TXNRD3: variants seen among roughly 807,000 people sequenced by gnomAD.
TXNRD3 encodes the protein TXNRD3 neighbor gene protein.
TXNRD3 carries 68 observed loss-of-function variants against 78.2 expected under a neutral mutation model. That is an observed-to-expected ratio of 0.87 (90% CI 0.72 to 1.06). The LOEUF is 1.06. Among genes scored for constraint, TXNRD3 ranks in the 50% least tolerant of loss-of-function variants. The probability of loss-of-function intolerance (pLI) is 0.00; values close to 1 mark genes in which losing one functional copy is unlikely to be tolerated. For synonymous variants in TXNRD3, 296 were observed against 300.1 expected (o/e 0.99, Z 0.14); for missense variants, 751 against 809.5 (o/e 0.93, Z 0.88).
chr3:126,621,647 T>C, intron 12 of TXNRD3, 95 bp downstream of exon 12: 1 of 1,214,968 alleles, frequency 8.2e-7, no homozygotes, highest in Non-Finnish European at 1.1e-6. Flanking sequence ...GAGGAACCCT[T>C]TACTTGGAAA....
At chr3:126,622,389 G>T in intron 11 of TXNRD3, 75 bp downstream of exon 11, 1 of 997,620 alleles carries the variant, frequency 1.0e-6, no homozygotes, top group South Asian at 1.7e-5. Context: ...GTAATTAAAT[G>T]AGAATTTCTT....
At chr3:126,617,157 C>A (rs1484139180) in intron 12 of TXNRD3, among the ~76,000 whole-genome samples, 1 of 152,166 alleles carries the variant, frequency 6.6e-6, no homozygotes, top group Non-Finnish European at 1.5e-5. Context: ...ACTTTCTCCA[C>A]ATCTTACATC....
chr3:126,616,080 G>C (rs1287354057), intron 12 of TXNRD3, among the ~76,000 whole-genome samples: 1 of 152,196 alleles, frequency 6.6e-6, no homozygotes, highest in Non-Finnish European at 1.5e-5. Flanking sequence ...ACCATCTCCA[G>C]AGCCTTTATC....
intron 1 of TXNRD3, among the ~76,000 whole-genome samples, chr3:126,653,641 T>C (rs926793803): frequency 3.9e-5 from 6 of 152,272 alleles, no homozygotes; most frequent in Admixed American, 3.3e-4. Context: ...CAGTTGGGCA[T>C]TACCTTGCTA....
chr3:126,631,014 G>T, intron 8 of TXNRD3, 77 bp from the exon 9 acceptor site: 2 of 1,333,244 alleles, frequency 1.5e-6, no homozygotes, highest in Non-Finnish European at 2.0e-6. Context: ...GTGTATAATG[G>T]TCTTGTGATG....
chr3:126,653,816 G>A (rs1040945817), intron 1 of TXNRD3, among the ~76,000 whole-genome samples: 1 of 152,064 alleles, frequency 6.6e-6, no homozygotes, highest in Admixed American at 6.5e-5. Flanking sequence ...GATAAACTCC[G>A]GTACGATTCA....
At chr3:126,647,383 TA>T (rs1266457009) in intron 1 of TXNRD3, 87 bp from the exon 2 acceptor site, 1 of 988,982 alleles carries the variant, frequency 1.0e-6, no homozygotes, top group East Asian at 2.7e-5. Flanking sequence ...ATGTCAACAA[TA>T]AATGTTCTGG....
intron 2 of TXNRD3, among the ~76,000 whole-genome samples, chr3:126,646,764 G>A (rs781230203): frequency 1.1e-4 from 16 of 152,174 alleles, no homozygotes; most frequent in Non-Finnish European, 1.9e-4. Flanking sequence ...AACTTGTTCT[G>A]TTCATCACCA....
intron 9 of TXNRD3, among the ~76,000 whole-genome samples, chr3:126,630,432 A>G (rs1033030455): frequency 3.9e-5 from 6 of 152,212 alleles, no homozygotes; most frequent in Non-Finnish European, 7.3e-5. Context: ...AGACAGTGAT[A>G]AGAATAAGGA....
chr3:126,629,843 G>C (rs1938668712), intron 9 of TXNRD3, among the ~76,000 whole-genome samples: 2 of 152,230 alleles, frequency 1.3e-5, no homozygotes, highest in Admixed American at 6.5e-5. Context: ...GTCTTGTTAA[G>C]TTTGAAATGC....
intron 9 of TXNRD3, among the ~76,000 whole-genome samples, chr3:126,630,195 A>G (rs1227618410): frequency 6.6e-6 from 1 of 152,264 alleles, no homozygotes; most frequent in African/African-American, 2.4e-5. Context: ...GGACAGAGAC[A>G]TGACCACTGG....
chr3:126,645,812 T>C (rs1933215643), intron 3 of TXNRD3, among the ~76,000 whole-genome samples: 1 of 152,170 alleles, frequency 6.6e-6, no homozygotes, highest in Non-Finnish European at 1.5e-5. Context: ...GACCTCTTTC[T>C]ACTGGGCAAA....
intron 10 of TXNRD3, among the ~76,000 whole-genome samples, chr3:126,623,803 C>T (rs749394375): frequency 3.0e-5 from 4 of 132,616 alleles, no homozygotes; most frequent in Non-Finnish European, 6.2e-5. Context: ...CCCATTCTCA[C>T]CATTTCTAAT....
At chr3:126,609,273 A>G (rs536325708) in intron 14 of TXNRD3, 10 of 266,580 alleles carry the variant, frequency 3.8e-5, no homozygotes, top group East Asian at 3.3e-4. Flanking sequence ...ATAGATGAAG[A>G]GAAAGACTAT....
rs902912804 is a variant in TXNRD3 at position 126,607,840 on chromosome 3, T to A, written c.*65A>T. The A allele has an allele frequency of 2.2e-6, 3 of 1,361,578 alleles. No individual in the cohort carries two copies. In the African/African-American group the frequency reaches 4.3e-5, roughly 20 times the overall value. The allele number at this position is 1,361,578 out of a possible 1,614,324, so 84.3% of individuals were successfully genotyped here. On this transcript the variant is annotated 3_prime_UTR_variant, in exon 16 of 16. Transcript: ENST00000524230. ...CTGTCATGAGCACAGGCTCATTTTA[T>A]CCGAGAGCATTCTTATCTTTGAGAG... is the stretch of plus-strand genomic sequence containing the variant.
intron 11 of TXNRD3, 52 bp downstream of exon 11, chr3:126,622,412 C>T: frequency 7.6e-7 from 1 of 1,314,746 alleles, no homozygotes. Flanking sequence ...AGGTGATCTG[C>T]AGAAACCTGT....
In TXNRD3 at chr3:126,637,932, C is replaced by CTCTTTTTTTTTTTTT. The variant is rs1444254294; in HGVS notation, c.713-3882_713-3881insAAAAAAAAAAAAAGA. On this transcript the variant is annotated intron_variant, in intron 6 of 15. Transcript: ENST00000524230. Reference sequence around the variant, plus strand: ...CTTATTTTAACCTATATTTCTCTCTCTTTTTTTTTTTTTTTTTTTTTTTTT... The same window carrying CTCTTTTTTTTTTTTT: ...CTTATTTTAACCTATATTTCTCTCTCTCTTTTTTTTTTTTTTTTTTTTTTTTTTTTTTTTTTTTTT... Among the ~76,000 whole-genome samples, 8 of 60,232 alleles carry CTCTTTTTTTTTTTTT rather than the reference C, an allele frequency of 1.3e-4. 1 individual carries two copies. The highest frequency in any genetic ancestry group is 6.9e-4 in the East Asian group (1 of 1,448). 39.5% of individuals were successfully genotyped at this position (60,232 alleles called of 152,430 possible).
chr3:126,624,377 G>A (rs776076038), intron 10 of TXNRD3, among the ~76,000 whole-genome samples: 6 of 151,860 alleles, frequency 4.0e-5, no homozygotes, highest in Non-Finnish European at 7.4e-5. Flanking sequence ...ACAGACAAAC[G>A]GTCTATGAGA....
chr3:126,637,170 T>A (rs1932929836), intron 6 of TXNRD3, among the ~76,000 whole-genome samples: 1 of 152,202 alleles, frequency 6.6e-6, no homozygotes, highest in Non-Finnish European at 1.5e-5. Context: ...TTCTGGTCAT[T>A]TATATTTTCA....
Sources: allele counts gnomAD v4.1 joint callset (sites outside exome capture counted in the v4.1 genomes callset), GRCh38; gene constraint gnomAD v4.1.1; transcripts MANE v1.5; gene names NCBI Gene and HGNC (gene_info 2026-07-23, HGNC 2026-07-21).